The following ARHGAP6 variants were observed in gnomAD, a reference collection of about 807,000 sequenced individuals.
ARHGAP6 encodes rho GTPase-activating protein 6.
A neutral mutation model predicts 55.7 loss-of-function variants in ARHGAP6; 16 were observed. That is an observed-to-expected ratio of 0.29 (90% CI 0.19 to 0.44). The LOEUF (loss-of-function observed/expected upper bound fraction) is 0.44. ARHGAP6 is among the 20% of genes least tolerant of loss of function. ARHGAP6 has a pLI of 1.00. For missense variants in ARHGAP6, 698 were observed against 808.9 expected (o/e 0.86, Z 1.66); for synonymous variants, 382 against 360.9 (o/e 1.06, Z -0.66).
chrX:11,365,735 T>C (rs1221542103), intron 1 of ARHGAP6, among the ~76,000 whole-genome samples: 1 of 112,456 alleles, frequency 8.9e-6, no homozygotes, highest in East Asian at 2.8e-4. Flanking sequence ...GGTATTGGGG[T>C]TCCAATTCCT....
chrX:11,182,208 G>A, intron 5 of ARHGAP6, 90 bp from the exon 6 acceptor site: 2 of 709,374 alleles, frequency 2.8e-6, no homozygotes, highest in Admixed American at 2.7e-5. Context: ...CCAGCACAGT[G>A]CCGTAACATG....
intron 1 of ARHGAP6, among the ~76,000 whole-genome samples, chrX:11,590,768 TC>T (rs2147129196): frequency 2.1e-5 from 1 of 48,127 alleles, no homozygotes; most frequent in South Asian, 9.1e-4. Flanking sequence ...AGAGTGAGAC[TC>T]CATCTCGAAA....
At chrX:11,188,456 A>G (rs914381843) in intron 4 of ARHGAP6, among the ~76,000 whole-genome samples, 2 of 111,826 alleles carry the variant, frequency 1.8e-5, no homozygotes, top group Non-Finnish European at 3.8e-5. Context: ...AAGAGACCAG[A>G]ATTAATGGTG....
intron 1 of ARHGAP6, among the ~76,000 whole-genome samples, chrX:11,648,753 C>A (rs972073810): frequency 1.2e-4 from 13 of 111,510 alleles, no homozygotes; most frequent in Non-Finnish European, 5.7e-5. Flanking sequence ...TGTCTAAGAT[C>A]ATATTGTCCT....
At position 11,241,149 on chromosome X, in the gene ARHGAP6, A is replaced by G. The variant is rs561182075; in HGVS notation, c.748+13399T>C. Among the ~76,000 whole-genome samples the G allele has an allele frequency of 8.8e-4, 97 of 110,010 alleles. 1 individual carries two copies. In the South Asian group the frequency reaches 0.036, roughly 41 times the overall value. ...AAGACATTTACTAGGTGCCAGGACA[A>G]AAGAGAGAAGACTGCTTCCAGTTCT... is the stretch of plus-strand genomic sequence containing the variant. On this transcript the variant is annotated intron_variant, in intron 2 of 12. Coordinates refer to ENST00000337414, the MANE Select transcript of ARHGAP6 (RefSeq NM_013427.3).
At chrX:11,511,826 A>G (rs1351128548) in intron 1 of ARHGAP6, among the ~76,000 whole-genome samples, 2 of 110,676 alleles carry the variant, frequency 1.8e-5, no homozygotes, top group African/African-American at 6.6e-5. Context: ...GCGTGCCACA[A>G]AATTATGATT....
intron 1 of ARHGAP6, among the ~76,000 whole-genome samples, chrX:11,344,786 A>T (rs771136452): frequency 7.1e-4 from 78 of 110,217 alleles, no homozygotes; most frequent in African/African-American, 2.4e-3. Context: ...CAGAATCAGT[A>T]TCTTTTCAAA....
chrX:11,376,952 G>A (rs898168359), intron 1 of ARHGAP6, among the ~76,000 whole-genome samples: 2 of 111,628 alleles, frequency 1.8e-5, no homozygotes, highest in African/African-American at 3.3e-5. Context: ...TGCTTCCATA[G>A]TAAAACCATG....
intron 1 of ARHGAP6, among the ~76,000 whole-genome samples, chrX:11,344,245 C>T (rs374356265): frequency 4.5e-5 from 5 of 111,498 alleles, no homozygotes; most frequent in African/African-American, 1.6e-4. Context: ...CCAGGGGATG[C>T]CCCTTCTCAG....
At position 11,241,531 on chromosome X, in the gene ARHGAP6, C is replaced by CGTGTGTGTGTGT. The variant is rs55815640; in HGVS notation, c.748+13005_748+13016dup. 3.3e-5 allele frequency among the ~76,000 whole-genome samples: 3 copies of CGTGTGTGTGTGT among 91,728 alleles called. No homozygotes were observed. The East Asian group carries it at 1.1e-3, about 33-fold the overall frequency. The allele number at this position is 91,728 out of a possible 115,157, so 79.7% of individuals were successfully genotyped here. A position where few individuals can be genotyped will look rare whatever the true frequency, so the allele number is the denominator to read the frequency against. ...CCCATCATTCAGGCAATGCTGGATA[C>CGTGTGTGTGTGT]GTGTGTGTGTGTGTGTGTGTGTGTG... On this transcript the variant is annotated intron_variant, in intron 2 of 12. Coordinates refer to ENST00000337414, the MANE Select transcript of ARHGAP6 (RefSeq NM_013427.3).
At chrX:11,274,211 A>G (rs961949921) in intron 1 of ARHGAP6, among the ~76,000 whole-genome samples, 1 of 112,181 alleles carries the variant, frequency 8.9e-6, no homozygotes, top group African/African-American at 3.2e-5. Context: ...TAAAGTTTGT[A>G]ACTTAATTAT....
intron 1 of ARHGAP6, among the ~76,000 whole-genome samples, chrX:11,622,654 A>G (rs2052243730): frequency 9.0e-6 from 1 of 111,469 alleles, no homozygotes. Context: ...GAGGGAAATC[A>G]AATTTCCTTG....
At chrX:11,152,313 C>T (rs2045792509) in intron 10 of ARHGAP6, among the ~76,000 whole-genome samples, 1 of 112,364 alleles carries the variant, frequency 8.9e-6, no homozygotes, top group Admixed American at 9.4e-5. Flanking sequence ...TAACTGACTA[C>T]ACAAACATGT....
At chrX:11,433,165 G>A (rs950539631) in intron 1 of ARHGAP6, among the ~76,000 whole-genome samples, 13 of 112,107 alleles carry the variant, frequency 1.2e-4, no homozygotes, top group African/African-American at 4.2e-4. Flanking sequence ...AGAAGAGAGA[G>A]GAGAACATCC....
At chrX:11,592,338 T>G in intron 1 of ARHGAP6, among the ~76,000 whole-genome samples, 1 of 112,021 alleles carries the variant, frequency 8.9e-6, no homozygotes, top group East Asian at 2.8e-4. Flanking sequence ...AGAAACTTGT[T>G]GTGGTTCTTT....
intron 1 of ARHGAP6, among the ~76,000 whole-genome samples, chrX:11,658,062 C>T (rs2052658166): frequency 8.9e-6 from 1 of 111,787 alleles, no homozygotes; most frequent in Admixed American, 9.4e-5. Context: ...TTTCCAGAAG[C>T]TTGGCAGTTT....
At chrX:11,460,178 C>T (rs910282167) in intron 1 of ARHGAP6, among the ~76,000 whole-genome samples, 1 of 111,402 alleles carries the variant, frequency 9.0e-6, no homozygotes, top group Non-Finnish European at 1.9e-5. Flanking sequence ...GAGAGAGATG[C>T]TCCTGCTGGC....
intron 1 of ARHGAP6, among the ~76,000 whole-genome samples, chrX:11,353,155 C>A (rs1319570563): frequency 9.0e-6 from 1 of 111,702 alleles, no homozygotes; most frequent in Non-Finnish European, 1.9e-5. Flanking sequence ...TTGAAGAAAT[C>A]TTAATGCCAA....
At position 11,423,276 on chromosome X, in the gene ARHGAP6, G is replaced by A. The variant is rs2049843884; in HGVS notation, c.589-168569C>T. Among the ~76,000 whole-genome samples, 5 of 112,884 alleles carry A rather than the reference G, an allele frequency of 4.4e-5. No individual in the cohort carries two copies. The Admixed American group carries it at 4.7e-4, about 11-fold the overall frequency. On this transcript the variant is annotated intron_variant, in intron 1 of 12. Coordinates refer to ENST00000337414, the MANE Select transcript of ARHGAP6 (RefSeq NM_013427.3). Reference sequence around the variant, plus strand: ...TGGGCATCTTCAGAATTACCAGAGAGTATCCTGTATTCAATACCACTCAAT... The same window carrying A: ...TGGGCATCTTCAGAATTACCAGAGAATATCCTGTATTCAATACCACTCAAT...
Sources: allele counts gnomAD v4.1 joint callset (sites outside exome capture counted in the v4.1 genomes callset), GRCh38; gene constraint gnomAD v4.1.1; transcripts MANE v1.5; gene names NCBI Gene and HGNC (gene_info 2026-07-23, HGNC 2026-07-21).